Variants in NMT2 observed in about 807,000 individuals in gnomAD.
NMT2 encodes the protein glycylpeptide N-tetradecanoyltransferase 2.
A neutral mutation model predicts 65.4 loss-of-function variants in NMT2; 35 were observed. The ratio of observed to expected loss-of-function variants is 0.54; its 90% CI spans 0.41 to 0.71. NMT2 has a LOEUF of 0.71. NMT2 is among the 30% of genes least tolerant of loss of function. The probability of loss-of-function intolerance (pLI) is 0.00; values close to 1 mark genes in which losing one functional copy is unlikely to be tolerated. For missense variants in NMT2, 489 were observed against 611.3 expected (o/e 0.80, Z 2.11); for synonymous variants, 226 against 231.8 (o/e 0.98, Z 0.23).
intron 1 of NMT2, among the ~76,000 whole-genome samples, chr10:15,165,163 CAAA>C (rs34775170): frequency 2.4e-5 from 3 of 126,042 alleles, no homozygotes; most frequent in Admixed American, 8.4e-5. Flanking sequence ...AACTCCATCT[CAAA>C]AAAAAAAAAA....
chr10:15,123,928 C>T (rs1950705675), intron 8 of NMT2, among the ~76,000 whole-genome samples: 1 of 152,072 alleles, frequency 6.6e-6, no homozygotes, highest in African/African-American at 2.4e-5. Context: ...GTGGTACAAA[C>T]CGTTTGAGAG....
At chr10:15,157,603 C>T (rs887961635) in intron 1 of NMT2, among the ~76,000 whole-genome samples, 47 of 151,748 alleles carry the variant, frequency 3.1e-4, no homozygotes, top group Admixed American at 3.1e-3. Flanking sequence ...ATGATTAAGC[C>T]ATGAAAGAAG....
At chr10:15,159,514 T>A (rs1833114382) in intron 1 of NMT2, among the ~76,000 whole-genome samples, 1 of 152,042 alleles carries the variant, frequency 6.6e-6, no homozygotes, top group East Asian at 1.9e-4. Flanking sequence ...TAAAGTGATC[T>A]CCATCTCTCG....
At position 15,139,892 on chromosome 10, in the gene NMT2, T is replaced by C. The variant is rs1449478604; in HGVS notation, c.246+1530A>G. The C allele has an allele frequency of 3.3e-4, 31 of 93,252 alleles. 3 individuals are homozygous for C. Among genetic ancestry groups the C allele is most frequent in the African/African-American group, 1.6e-3 (26 of 15,818 alleles). The allele number at this position is 93,252 out of a possible 1,614,324, so 5.8% of individuals were successfully genotyped here. On this transcript the variant is annotated intron_variant, in intron 2 of 11. Transcript: ENST00000378165. ...ATATATATATATATATATATATATATATATATATATATATATATGCACTGT... is the reference window on the plus strand; with the variant it reads ...ATATATATATATATATATATATATACATATATATATATATATATGCACTGT...
intron 8 of NMT2, 128 bp from the exon 9 acceptor site, chr10:15,119,641 A>G: frequency 2.9e-6 from 2 of 685,732 alleles, no homozygotes; most frequent in Non-Finnish European, 5.0e-6. Flanking sequence ...AGAGCTGCAG[A>G]GCCTGGCCCT....
At chr10:15,153,046 G>C (rs1832857887) in intron 1 of NMT2, among the ~76,000 whole-genome samples, 1 of 152,000 alleles carries the variant, frequency 6.6e-6, no homozygotes, top group Non-Finnish European at 1.5e-5. Flanking sequence ...ATGGAATGGA[G>C]GTTTAATAGA....
intron 8 of NMT2, among the ~76,000 whole-genome samples, chr10:15,121,812 C>T (rs139216272): frequency 5.3e-4 from 80 of 152,316 alleles, no homozygotes; most frequent in African/African-American, 1.7e-3. Context: ...TGTATTTATA[C>T]ACCAACAGTC....
intron 1 of NMT2, among the ~76,000 whole-genome samples, chr10:15,156,057 C>A (rs537861001): frequency 5.9e-5 from 9 of 152,230 alleles, no homozygotes; most frequent in Non-Finnish European, 1.3e-4. Context: ...ATTTTTGAAC[C>A]AACGTTGACC....
intron 6 of NMT2, among the ~76,000 whole-genome samples, chr10:15,130,557 A>G (rs559002070): frequency 4.5e-4 from 68 of 151,646 alleles, no homozygotes; most frequent in Non-Finnish European, 7.7e-4. Context: ...AACAAACACC[A>G]GCCAGTCATG....
In NMT2 at chr10:15,106,976, G is replaced by T. The variant is rs1182912341; in HGVS notation, c.*2219C>A. Among the ~76,000 whole-genome samples, 2 of 152,030 alleles carry T rather than the reference G, an allele frequency of 1.3e-5. No homozygotes were observed. Among genetic ancestry groups the T allele is most frequent in the African/African-American group, 4.8e-5 (2 of 41,390 alleles). ...CTTAGCCAGGCGTGGTGGTATGCAC[G>T]CCCAGCTAGTTCTTTTTCTTCAAAA... is the stretch of plus-strand genomic sequence containing the variant. On this transcript the variant is annotated 3_prime_UTR_variant, in exon 12 of 12. Transcript: ENST00000378165.
rs772878315 is a variant in NMT2 at position 15,141,426 on chromosome 10, G to A, written c.242C>T (p.Ser81Leu). 2.9e-5 allele frequency: 46 copies of A among 1,613,852 alleles called. No homozygotes were observed. The highest frequency in any genetic ancestry group is 2.0e-4 in the South Asian group (18 of 91,060). The change falls in exon 2 of 12, where the codon TCG becomes TTG. Residue 81 changes from serine (S) to leucine (L), a missense_variant. Physicochemically the swap from Ser to Leu is moderately radical, Grantham distance 145. Transcript: ENST00000378165. Reference protein sequence around the residue: ...DSQEIKIQQPSKNPSVPMQKL... With the variant: ...DSQEIKIQQPLKNPSVPMQKL... Reference sequence around the variant, plus strand: ...AAAATAAAACAGAGCTCTCACTTTCGAAGGCTGCTGAATTTTAATCTCCTG... The same window carrying A: ...AAAATAAAACAGAGCTCTCACTTTCAAAGGCTGCTGAATTTTAATCTCCTG...
intron 2 of NMT2, among the ~76,000 whole-genome samples, chr10:15,137,029 A>G (rs1247390101): frequency 6.6e-6 from 1 of 152,204 alleles, no homozygotes; most frequent in African/African-American, 2.4e-5. Flanking sequence ...AGAAGTTTCA[A>G]GAGCCCTTCG....
intron 9 of NMT2, among the ~76,000 whole-genome samples, chr10:15,116,961 C>T (rs2131491474): frequency 6.6e-6 from 1 of 152,302 alleles, no homozygotes; most frequent in East Asian, 1.9e-4. Flanking sequence ...CAGATCATTT[C>T]AACTGGAGAA....
intron 8 of NMT2, among the ~76,000 whole-genome samples, chr10:15,127,546 C>CAAAAAAA (rs1239422956): frequency 1.8e-3 from 92 of 51,348 alleles, no homozygotes; most frequent in African/African-American, 4.1e-3. Context: ...GACTCCGTCT[C>CAAAAAAA]AAAAAAAAAA....
Position 15,109,030 on chromosome 10 carries a change from A to G in NMT2, c.*165T>C. 1 of 1,452,462 alleles carries G rather than the reference A, an allele frequency of 6.9e-7. No homozygotes were observed. The highest frequency in any genetic ancestry group is 9.0e-7 in the Non-Finnish European group (1 of 1,110,384). 90.0% of individuals were successfully genotyped at this position (1,452,462 alleles called of 1,614,324 possible). A position where few individuals can be genotyped will look rare whatever the true frequency, so the allele number is the denominator to read the frequency against. On this transcript the variant is annotated 3_prime_UTR_variant, in exon 12 of 12. Coordinates refer to ENST00000378165, the MANE Select transcript of NMT2 (RefSeq NM_004808.3). Reference sequence around the variant, plus strand: ...AAGGATGAAGTTTAACATTCTAGCTAGAAACGTACAAATGTCACATGTGGA... The same window carrying G: ...AAGGATGAAGTTTAACATTCTAGCTGGAAACGTACAAATGTCACATGTGGA...
At position 15,108,269 on chromosome 10, in the gene NMT2, C is replaced by T. The variant is rs531492070; in HGVS notation, c.*926G>A. ...GTGGCTCGATCTCGGCTCACTGCAA[C>T]CTCACCTCTCAGGTTCAAGCGATTC... On this transcript the variant is annotated 3_prime_UTR_variant, in exon 12 of 12. Transcript: ENST00000378165. 1.4e-4 allele frequency: 110 copies of T among 798,858 alleles called. No homozygotes were observed. In the South Asian group the frequency reaches 5.4e-3, roughly 39 times the overall value. The allele number at this position is 798,858 out of a possible 1,614,324, so 49.5% of individuals were successfully genotyped here. A position where few individuals can be genotyped will look rare whatever the true frequency, so the allele number is the denominator to read the frequency against.
At chr10:15,150,788 C>T (rs1832775135) in intron 1 of NMT2, among the ~76,000 whole-genome samples, 2 of 152,184 alleles carry the variant, frequency 1.3e-5, no homozygotes, top group African/African-American at 4.8e-5. Flanking sequence ...ATTTACACGG[C>T]TGTTAGCAGC....
At chr10:15,125,832 A>G (rs796379409) in intron 8 of NMT2, among the ~76,000 whole-genome samples, 40 of 152,040 alleles carry the variant, frequency 2.6e-4, no homozygotes, top group Admixed American at 1.4e-3. Context: ...ATCCACAGCT[A>G]ATTTTTTAAT....
chr10:15,123,531 G>GAAAAAAAAA (rs775699014), intron 8 of NMT2, among the ~76,000 whole-genome samples: 3 of 52,532 alleles, frequency 5.7e-5, no homozygotes, highest in African/African-American at 5.9e-5. Context: ...TCGTCTCACA[G>GAAAAAAAAA]AAAAAAAAAA....
Sources: allele counts gnomAD v4.1 joint callset (sites outside exome capture counted in the v4.1 genomes callset), GRCh38; gene constraint gnomAD v4.1.1; transcripts MANE v1.5; gene names NCBI Gene and HGNC (gene_info 2026-07-23, HGNC 2026-07-21).